MACROD2: variants seen among roughly 807,000 people sequenced by gnomAD.
MACROD2 encodes mono-ADP ribosylhydrolase 2.
A neutral mutation model predicts 70.4 loss-of-function variants in MACROD2; 36 were observed. That is an observed-to-expected ratio of 0.51 (90% confidence interval 0.39 to 0.68). The LOEUF is 0.68. MACROD2 is among the 30% of genes least tolerant of loss of function. The pLI, the probability that MACROD2 is intolerant of heterozygous loss-of-function variation, is 0.00. For missense variants in MACROD2, 496 were observed against 538.4 expected, an observed-to-expected ratio of 0.92 and a Z score of 0.78; for synonymous variants, 172 against 178.8, an observed-to-expected ratio of 0.96 and a Z score of 0.30.
At chr20:14,765,004 C>T (rs1429659317) in intron 5 of MACROD2, among the ~76,000 whole-genome samples, 2 of 152,054 alleles carry the variant, frequency 1.3e-5, no homozygotes, top group Non-Finnish European at 2.9e-5. Context: ...ACTGGATATC[C>T]AAGTGCTGCC....
chr20:14,221,014 A>T (rs2081669031), intron 3 of MACROD2, among the ~76,000 whole-genome samples: 1 of 152,142 alleles, frequency 6.6e-6, no homozygotes, highest in African/African-American at 2.4e-5. Flanking sequence ...CCAGAGCTGC[A>T]ATCTAGTCCT....
chr20:15,277,281 C>T (rs1165654623), intron 6 of MACROD2, among the ~76,000 whole-genome samples: 1 of 152,192 alleles, frequency 6.6e-6, no homozygotes, highest in Non-Finnish European at 1.5e-5. Context: ...AGGTCCTCAG[C>T]AGACCTCTCT....
At chr20:15,764,652 C>T (rs1018653482) in intron 8 of MACROD2, among the ~76,000 whole-genome samples, 9 of 152,204 alleles carry the variant, frequency 5.9e-5, no homozygotes, top group African/African-American at 1.9e-4. Flanking sequence ...TAGTTCAAAA[C>T]ATCATTGCCT....
intron 3 of MACROD2, among the ~76,000 whole-genome samples, chr20:14,359,625 T>C (rs553229269): frequency 4.8e-4 from 73 of 152,250 alleles, no homozygotes; most frequent in African/African-American, 1.7e-3. Context: ...GTAATCCCAA[T>C]ACTTTGGGAG....
chr20:14,244,257 G>A (rs2081951704), intron 3 of MACROD2, among the ~76,000 whole-genome samples: 1 of 152,124 alleles, frequency 6.6e-6, no homozygotes, highest in South Asian at 2.1e-4. Context: ...TCTGGCCCAT[G>A]GCACCTCTTA....
At chr20:14,168,681 G>A (rs537924119) in intron 3 of MACROD2, among the ~76,000 whole-genome samples, 1 of 152,246 alleles carries the variant, frequency 6.6e-6, no homozygotes, top group South Asian at 2.1e-4. Flanking sequence ...ATACAGGATA[G>A]TTTCACTGCC....
intron 5 of MACROD2, among the ~76,000 whole-genome samples, chr20:14,885,400 C>A (rs1355444489): frequency 6.6e-6 from 1 of 152,112 alleles, no homozygotes; most frequent in Non-Finnish European, 1.5e-5. Context: ...ACCCTAGAAT[C>A]TTCTGCTTCT....
intron 5 of MACROD2, among the ~76,000 whole-genome samples, chr20:15,119,282 G>C (rs73097508): frequency 0.073 from 11,135 of 152,022 alleles, 474 homozygotes; most frequent in Middle Eastern, 0.16. Flanking sequence ...TCTTTTCCTT[G>C]GGTTAAAGGT....
At chr20:14,517,671 G>C (rs568777217) in intron 4 of MACROD2, among the ~76,000 whole-genome samples, 46 of 152,240 alleles carry the variant, frequency 3.0e-4, no homozygotes, top group African/African-American at 1.1e-3. Flanking sequence ...ATGTATCCCA[G>C]AACTTAAAGT....
intron 3 of MACROD2, chr20:14,325,905 A>T: frequency 6.2e-7 from 1 of 1,613,996 alleles, no homozygotes; most frequent in East Asian, 2.2e-5. Flanking sequence ...CCACAGCCCC[A>T]CCAATGATGG....
chr20:14,040,029 AGGC>A (rs1320793571), intron 2 of MACROD2, among the ~76,000 whole-genome samples: 2 of 152,184 alleles, frequency 1.3e-5, no homozygotes, highest in Non-Finnish European at 2.9e-5. Context: ...GAAAGAAGGT[AGGC>A]CTTTAGGAGA....
intron 5 of MACROD2, among the ~76,000 whole-genome samples, chr20:14,738,563 A>G (rs1428519081): frequency 6.6e-6 from 1 of 152,150 alleles, no homozygotes; most frequent in Non-Finnish European, 1.5e-5. Context: ...AGTGCTTAGA[A>G]CAGTACTTAG....
intron 5 of MACROD2, among the ~76,000 whole-genome samples, chr20:14,847,643 T>TA (rs1980121821): frequency 2.1e-5 from 3 of 142,346 alleles, no homozygotes; most frequent in Non-Finnish European, 3.1e-5. Context: ...GTCCCCCCTT[T>TA]TAAAAAAAAA....
chr20:15,402,279 G>A (rs1330910661), intron 6 of MACROD2, among the ~76,000 whole-genome samples: 2 of 152,184 alleles, frequency 1.3e-5, no homozygotes, highest in Non-Finnish European at 2.9e-5. Context: ...CCAGAGGCAA[G>A]AGGAAGTTAA....
chr20:15,250,211 T>C (rs1000325597), intron 6 of MACROD2, among the ~76,000 whole-genome samples: 1 of 152,198 alleles, frequency 6.6e-6, no homozygotes, highest in Non-Finnish European at 1.5e-5. Flanking sequence ...ACCACACAGC[T>C]TAAGGTGCAC....
intron 3 of MACROD2, among the ~76,000 whole-genome samples, chr20:14,380,075 AT>A (rs1568585871): frequency 6.6e-6 from 1 of 152,118 alleles, no homozygotes. Context: ...CCCACCAGCA[AT>A]GTATGAGGGT....
At chr20:14,308,355 T>C (rs536891218) in intron 3 of MACROD2, among the ~76,000 whole-genome samples, 5 of 152,128 alleles carry the variant, frequency 3.3e-5, no homozygotes, top group Admixed American at 6.6e-5. Context: ...AATATGAATC[T>C]TACGTAGCTG....
At chr20:14,271,891 T>G (rs906538985) in intron 3 of MACROD2, among the ~76,000 whole-genome samples, 1 of 151,926 alleles carries the variant, frequency 6.6e-6, no homozygotes, top group East Asian at 1.9e-4. Context: ...AGAAAGGGTA[T>G]CAGTGATGGA....
intron 5 of MACROD2, among the ~76,000 whole-genome samples, chr20:14,836,168 T>A (rs577011804): frequency 2.2e-4 from 34 of 151,922 alleles, no homozygotes; most frequent in African/African-American, 7.7e-4. Context: ...TCAAAAAAAA[T>A]TTTGGAAAAG....
Sources: gnomAD v4.1 joint callset for allele counts (sites outside exome capture counted in the v4.1 genomes callset) on GRCh38, gnomAD v4.1.1 for gene constraint, MANE v1.5 for transcripts, NCBI Gene and HGNC (gene_info 2026-07-23, HGNC 2026-07-21) for gene names.